The following EGFL6 variants were observed in gnomAD, a reference collection of about 807,000 sequenced individuals.
EGFL6 encodes epidermal growth factor-like protein 6.
In EGFL6, 42 loss-of-function variants were observed where a neutral mutation model predicts 43.1. The ratio of observed to expected loss-of-function variants is 0.98; its 90% CI spans 0.76 to 1.26. The LOEUF is 1.26. Among genes scored for constraint, EGFL6 ranks in the 50% most tolerant of loss-of-function variants. The probability of loss-of-function intolerance (pLI) is 0.00; values close to 1 mark genes in which losing one functional copy is unlikely to be tolerated. For synonymous variants in EGFL6, 164 were observed against 163.2 expected (o/e 1.01, Z -0.04); for missense variants, 429 against 427.8 (o/e 1.00, Z -0.02).
intron 11 of EGFL6, among the ~76,000 whole-genome samples, chrX:13,628,775 C>G (rs1417940846): frequency 9.0e-6 from 1 of 110,688 alleles, no homozygotes; most frequent in African/African-American, 3.3e-5. Flanking sequence ...CCATTGCACT[C>G]AAGCCTGGGC....
intron 11 of EGFL6, among the ~76,000 whole-genome samples, chrX:13,628,757 A>G (rs777291340): frequency 8.9e-6 from 1 of 112,033 alleles, no homozygotes; most frequent in Admixed American, 9.4e-5. Flanking sequence ...CAGTGAGCCG[A>G]GATCGTGCCA....
At chrX:13,590,953 C>G (rs749070612) in intron 2 of EGFL6, among the ~76,000 whole-genome samples, 1 of 111,652 alleles carries the variant, frequency 9.0e-6, no homozygotes, top group Admixed American at 9.5e-5. Flanking sequence ...CGTGGGTGAC[C>G]TTGGGCAAGC....
intron 7 of EGFL6, among the ~76,000 whole-genome samples, chrX:13,614,051 C>T (rs1356852442): frequency 8.9e-6 from 1 of 111,874 alleles, no homozygotes; most frequent in Non-Finnish European, 1.9e-5. Flanking sequence ...TCTTAGTAAT[C>T]GATGTGTGTT....
chrX:13,599,751 T>A (rs183401706), intron 3 of EGFL6, among the ~76,000 whole-genome samples: 1 of 110,390 alleles, frequency 9.1e-6, no homozygotes, highest in African/African-American at 3.3e-5. Context: ...TTCCAAAGTG[T>A]TGTACCAATT....
chrX:13,571,820 T>G (rs2045444559), intron 1 of EGFL6, among the ~76,000 whole-genome samples: 1 of 111,932 alleles, frequency 8.9e-6, no homozygotes, highest in African/African-American at 3.3e-5. Flanking sequence ...GACCCATGTT[T>G]AATCAGCTCT....
Position 13,617,871 on chromosome X carries a change from C to T in EGFL6, c.920C>T (p.Pro307Leu). 1 of 1,211,483 alleles carries T rather than the reference C, an allele frequency of 8.3e-7. No homozygotes were observed. Among genetic ancestry groups the T allele is most frequent in the Non-Finnish European group, 1.1e-6 (1 of 895,457 alleles). The change falls in exon 8 of 12, where the codon CCT becomes CTT. Residue 307 changes from proline to leucine, a missense_variant. By Grantham distance (98) the Pro-to-Leu change is moderately conservative (BLOSUM62 -3). Coordinates refer to ENST00000361306, the MANE Select transcript of EGFL6 (RefSeq NM_015507.4). ...GTTACCCCAGAACCCACCAGGACTC[C>T]TACCCCTAAGGTGAACTTGCAGCCC... ...KNVTPEPTRT[P>L]TPKVNLQPFN...
chrX:13,614,245 G>A (rs2045706774), intron 7 of EGFL6, among the ~76,000 whole-genome samples: 1 of 111,979 alleles, frequency 8.9e-6, no homozygotes, highest in Non-Finnish European at 1.9e-5. Flanking sequence ...GTGTGTTCAT[G>A]ACCAATTGGT....
At chrX:13,603,191 A>G (rs989003177) in intron 4 of EGFL6, 126 bp from the exon 5 acceptor site, 2 of 838,180 alleles carry the variant, frequency 2.4e-6, no homozygotes, top group East Asian at 3.5e-5. Context: ...GACTCAGACA[A>G]TGAAACTTGT....
chrX:13,583,542 G>A (rs375886131), intron 1 of EGFL6, among the ~76,000 whole-genome samples: 3 of 111,727 alleles, frequency 2.7e-5, no homozygotes, highest in African/African-American at 9.8e-5. Context: ...AAATGAGTAG[G>A]TGAATAGTTT....
intron 4 of EGFL6, among the ~76,000 whole-genome samples, chrX:13,601,277 A>G (rs1212175689): frequency 8.9e-6 from 1 of 111,812 alleles, no homozygotes; most frequent in East Asian, 2.8e-4. Context: ...TGTTGGAAAT[A>G]CATTCCGACT....
chrX:13,621,499 G>A (rs886677715), intron 9 of EGFL6, among the ~76,000 whole-genome samples: 4 of 112,062 alleles, frequency 3.6e-5, no homozygotes, highest in East Asian at 5.6e-4. Context: ...TTGGACCCTC[G>A]ACAAGACAGG....
At chrX:13,610,605 G>A (rs781512195) in intron 7 of EGFL6, among the ~76,000 whole-genome samples, 1 of 112,089 alleles carries the variant, frequency 8.9e-6, no homozygotes, top group African/African-American at 3.2e-5. Context: ...AACCTTGGGA[G>A]TTCCCCAGAG....
At position 13,602,456 on chromosome X, in the gene EGFL6, C is replaced by A. The variant is rs898391770; in HGVS notation, c.401-861C>A. On this transcript the variant is annotated intron_variant, in intron 4 of 11. Coordinates refer to ENST00000361306, the MANE Select transcript of EGFL6 (RefSeq NM_015507.4). ...CTTTAAAAGCTGAAGGCAAGCAGTT[C>A]CAGAGCAGCTCAAGAAGAAGTCCAT... Among the ~76,000 whole-genome samples, 24 of 112,216 alleles carry A rather than the reference C, an allele frequency of 2.1e-4. No individual in the cohort carries two copies. The South Asian group carries it at 4.0e-3, about 19-fold the overall frequency.
intron 1 of EGFL6, among the ~76,000 whole-genome samples, chrX:13,585,710 T>C (rs1364796727): frequency 9.1e-6 from 1 of 109,527 alleles, no homozygotes; most frequent in Non-Finnish European, 1.9e-5. Context: ...AATCCCACAT[T>C]TCTTATAAAA....
At chrX:13,590,887 C>A (rs765652721) in intron 2 of EGFL6, among the ~76,000 whole-genome samples, 2 of 111,482 alleles carry the variant, frequency 1.8e-5, no homozygotes. Flanking sequence ...AAGGGTGGGT[C>A]CTCATCCTGA....
intron 1 of EGFL6, among the ~76,000 whole-genome samples, chrX:13,581,254 G>C (rs1250456402): frequency 8.9e-6 from 1 of 112,103 alleles, no homozygotes; most frequent in Non-Finnish European, 1.9e-5. Context: ...TAGTATAGGA[G>C]AGCTTTATAA....
intron 10 of EGFL6, 59 bp from the exon 11 acceptor site, chrX:13,626,952 T>A (rs1279623011): frequency 8.7e-7 from 1 of 1,148,621 alleles, no homozygotes; most frequent in African/African-American, 1.8e-5. Context: ...TTTTATACAT[T>A]AAAGCCAAAC....
Position 13,589,662 on chromosome X carries a change from T to C in EGFL6, c.181T>C (p.Cys61Arg), listed in dbSNP as rs747602757. The C allele has an allele frequency of 3.3e-6, 4 of 1,207,637 alleles. No individual in the cohort carries two copies. Among genetic ancestry groups the C allele is most frequent in the Non-Finnish European group, 4.5e-6 (4 of 892,615 alleles). ...YGWRRNSKGV[C>R]EATCEPGCKF... ...CTGGAGAAGAAACAGCAAGGGAGTC[T>C]GTGAAGGTAATTTTGTAAAAACTCA... The change falls in exon 2 of 12, where the codon TGT becomes CGT. Residue 61 changes from cysteine (C) to arginine (R), a missense_variant. Physicochemically the swap from Cys to Arg is radical, Grantham distance 180. Coordinates refer to ENST00000361306, the MANE Select transcript of EGFL6 (RefSeq NM_015507.4).
At chrX:13,611,453 C>G (rs1057434718) in intron 7 of EGFL6, among the ~76,000 whole-genome samples, 4 of 111,996 alleles carry the variant, frequency 3.6e-5, no homozygotes, top group African/African-American at 1.3e-4. Context: ...GGGCAACTCA[C>G]CCCCACATAC....
Sources: allele counts gnomAD v4.1 joint callset (sites outside exome capture counted in the v4.1 genomes callset), GRCh38; gene constraint gnomAD v4.1.1; transcripts MANE v1.5; gene names NCBI Gene and HGNC (gene_info 2026-07-23, HGNC 2026-07-21).